Variants in IMMP2L observed in about 807,000 individuals in gnomAD.
IMMP2L encodes the protein mitochondrial inner membrane protease subunit 2.
A neutral mutation model predicts 19.3 loss-of-function variants in IMMP2L; 18 were observed. The ratio of observed to expected loss-of-function variants is 0.93; its 90% confidence interval spans 0.64 to 1.38. The LOEUF is 1.38. Among genes scored for constraint, IMMP2L ranks in the 40% most tolerant of loss-of-function variants. The probability of loss-of-function intolerance (pLI) is 0.00; values close to 1 mark genes in which losing one functional copy is unlikely to be tolerated. For missense variants in IMMP2L, 233 were observed against 218.2 expected, an observed-to-expected ratio of 1.07 and a Z score of -0.43; for synonymous variants, 76 against 73.0, an observed-to-expected ratio of 1.04 and a Z score of -0.21.
intron 5 of IMMP2L, among the ~76,000 whole-genome samples, chr7:110,770,674 T>C (rs1460989299): frequency 1.3e-5 from 2 of 152,156 alleles, no homozygotes; most frequent in African/African-American, 2.4e-5. Context: ...TATCGAAGAC[T>C]GTACTGTGTT....
At chr7:110,922,291 A>G (rs569093165) in intron 4 of IMMP2L, among the ~76,000 whole-genome samples, 81 of 152,282 alleles carry the variant, frequency 5.3e-4, no homozygotes, top group African/African-American at 1.9e-3. Flanking sequence ...CTTAAGTGCA[A>G]TTCTACTTCT....
At chr7:111,016,811 ATATATTATATATAAT>A (rs1825678126) in intron 3 of IMMP2L, among the ~76,000 whole-genome samples, 1 of 50,106 alleles carries the variant, frequency 2.0e-5, no homozygotes, top group Non-Finnish European at 4.0e-5. Flanking sequence ...AATATATACT[ATATATTATATATAAT>A]ATATAGTATA....
At chr7:110,795,228 C>T (rs190044800) in intron 5 of IMMP2L, among the ~76,000 whole-genome samples, 138 of 150,726 alleles carry the variant, frequency 9.2e-4, no homozygotes, top group Non-Finnish European at 1.6e-3. Context: ...TGGACCCCAG[C>T]CTTGCTTTTT....
intron 3 of IMMP2L, among the ~76,000 whole-genome samples, chr7:110,973,874 C>A (rs1820414115): frequency 6.6e-6 from 1 of 152,040 alleles, no homozygotes; most frequent in Admixed American, 6.6e-5. Flanking sequence ...ACCATCATTC[C>A]ATTGCTCAAA....
At chr7:111,256,359 AAAT>A (rs981712102) in intron 3 of IMMP2L, among the ~76,000 whole-genome samples, 6 of 152,120 alleles carry the variant, frequency 3.9e-5, no homozygotes, top group African/African-American at 1.4e-4. Flanking sequence ...TTTATTTGAA[AAAT>A]AATGTTTAAA....
chr7:111,403,750 G>A (rs1833674279), intron 3 of IMMP2L, among the ~76,000 whole-genome samples: 2 of 152,122 alleles, frequency 1.3e-5, no homozygotes, highest in Non-Finnish European at 2.9e-5. Flanking sequence ...GAATCCTGCA[G>A]AGGATTGTGA....
chr7:111,434,438 C>T (rs1836934013), intron 3 of IMMP2L, among the ~76,000 whole-genome samples: 1 of 148,314 alleles, frequency 6.7e-6, no homozygotes, highest in Non-Finnish European at 1.5e-5. Flanking sequence ...AGACAAACTA[C>T]AGAATGTTTT....
intron 3 of IMMP2L, among the ~76,000 whole-genome samples, chr7:111,433,303 C>T (rs986534229): frequency 4.0e-5 from 6 of 151,850 alleles, no homozygotes; most frequent in Non-Finnish European, 7.4e-5. Context: ...AAGACATACC[C>T]TAGACTGGGC....
intron 5 of IMMP2L, among the ~76,000 whole-genome samples, chr7:110,722,174 A>G (rs1371068362): frequency 6.6e-6 from 1 of 152,078 alleles, no homozygotes; most frequent in Non-Finnish European, 1.5e-5. Context: ...AAAAAGCAGA[A>G]TAGGGTGGGG....
intron 2 of IMMP2L, among the ~76,000 whole-genome samples, chr7:111,520,687 C>T (rs1846249876): frequency 6.6e-6 from 1 of 152,034 alleles, no homozygotes; most frequent in Non-Finnish European, 1.5e-5. Context: ...GCAAATTCTG[C>T]CTAACTGCTT....
intron 3 of IMMP2L, among the ~76,000 whole-genome samples, chr7:111,298,297 T>C (rs1268262875): frequency 6.6e-6 from 1 of 152,144 alleles, no homozygotes; most frequent in Non-Finnish European, 1.5e-5. Flanking sequence ...ATGAGTTACA[T>C]ACCCTTGGGC....
chr7:111,263,073 T>C (rs1212108095), intron 3 of IMMP2L, among the ~76,000 whole-genome samples: 2 of 151,960 alleles, frequency 1.3e-5, no homozygotes, highest in Admixed American at 6.6e-5. Context: ...GATAATATAG[T>C]CCCCTGTAAG....
intron 3 of IMMP2L, among the ~76,000 whole-genome samples, chr7:111,079,521 G>C (rs2129576248): frequency 6.6e-6 from 1 of 152,234 alleles, no homozygotes; most frequent in East Asian, 1.9e-4. Flanking sequence ...TCTACCCTAG[G>C]AAGACTAGTT....
Position 110,663,813 on chromosome 7 carries a change from T to A in IMMP2L, c.409-92A>T, listed in dbSNP as rs1791234016. 1.1e-5 allele frequency: 9 copies of A among 841,810 alleles called. No homozygotes were observed. The South Asian group carries it at 1.7e-4, about 16-fold the overall frequency. 52.1% of individuals were successfully genotyped at this position (841,810 alleles called of 1,614,324 possible). A position where few individuals can be genotyped will look rare whatever the true frequency, so the allele number is the denominator to read the frequency against. ...TTGAAAGCAGAATTTAATCCAGGTT[T>A]AACATCCCAGGGAGAAGTGATGATG... is the stretch of plus-strand genomic sequence containing the variant. On this transcript the variant is annotated intron_variant, in intron 5 of 5. Coordinates refer to ENST00000405709, the MANE Select transcript of IMMP2L (RefSeq NM_032549.4).
intron 3 of IMMP2L, among the ~76,000 whole-genome samples, chr7:111,325,091 G>A (rs1218830523): frequency 6.6e-6 from 1 of 151,730 alleles, no homozygotes; most frequent in Non-Finnish European, 1.5e-5. Flanking sequence ...GCAATGTTCA[G>A]TGAATGTTAT....
In IMMP2L at chr7:111,188,615, T is replaced by A. The variant is rs180744761; in HGVS notation, c.240-225050A>T. Among the ~76,000 whole-genome samples, 118 of 152,262 alleles carry A rather than the reference T, an allele frequency of 7.7e-4. 1 individual carries two copies. The highest frequency in any genetic ancestry group is 2.6e-3 in the African/African-American group (110 of 41,534). ...TCCATAAGAGCTTATTAGACGGCTC[T>A]GCTCATCGTAGTTGGATCTGGCAGT... On this transcript the variant is annotated intron_variant, in intron 3 of 5. Transcript: ENST00000405709.
At chr7:111,139,285 C>T (rs1363745457) in intron 3 of IMMP2L, among the ~76,000 whole-genome samples, 1 of 151,900 alleles carries the variant, frequency 6.6e-6, no homozygotes, top group Non-Finnish European at 1.5e-5. Flanking sequence ...CTAAATGATT[C>T]TATGAACAGG....
chr7:110,761,240 C>A (rs1274726840), intron 5 of IMMP2L, among the ~76,000 whole-genome samples: 1 of 152,072 alleles, frequency 6.6e-6, no homozygotes, highest in Non-Finnish European at 1.5e-5. Flanking sequence ...ATAATGACTT[C>A]TTGACGATGG....
intron 3 of IMMP2L, among the ~76,000 whole-genome samples, chr7:111,300,389 A>C (rs1054220328): frequency 6.6e-6 from 1 of 152,082 alleles, no homozygotes; most frequent in African/African-American, 2.4e-5. Flanking sequence ...TCTTTAATTA[A>C]ATTTTTTTTA....
Sources: allele counts gnomAD v4.1 joint callset (sites outside exome capture counted in the v4.1 genomes callset), GRCh38; gene constraint gnomAD v4.1.1; transcripts MANE v1.5; gene names NCBI Gene and HGNC (gene_info 2026-07-23, HGNC 2026-07-21).